The following KIAA1217 variants were observed in gnomAD, a reference collection of about 807,000 sequenced individuals.
KIAA1217 encodes the protein KIAA1217, also known as sickle tail protein homolog.
KIAA1217 carries 88 observed loss-of-function variants against 163.9 expected under a neutral mutation model. That is an observed-to-expected ratio of 0.54 (90% CI 0.45 to 0.64). The LOEUF (loss-of-function observed/expected upper bound fraction) is 0.64. Among genes scored for constraint, KIAA1217 ranks in the 30% least tolerant of loss-of-function variants. The pLI is 0.00. For missense variants in KIAA1217, 2,372 were observed against 2,475.0 expected (o/e 0.96, Z 0.88); for synonymous variants, 903 against 923.1 (o/e 0.98, Z 0.39).
intron 1 of KIAA1217, among the ~76,000 whole-genome samples, chr10:23,859,036 C>G (rs990656807): frequency 3.3e-5 from 5 of 152,206 alleles, no homozygotes; most frequent in Non-Finnish European, 7.3e-5. Flanking sequence ...CACAAAGACC[C>G]TGACTACCGT....
intron 3 of KIAA1217, among the ~76,000 whole-genome samples, chr10:24,427,829 C>T (rs925831727): frequency 4.6e-5 from 7 of 152,180 alleles, no homozygotes; most frequent in African/African-American, 1.4e-4. Context: ...GCCAATAAAA[C>T]GCCATCGGAT....
intron 2 of KIAA1217, among the ~76,000 whole-genome samples, chr10:24,374,238 T>C (rs1040217294): frequency 1.1e-4 from 16 of 152,124 alleles, no homozygotes; most frequent in Admixed American, 4.6e-4. Context: ...CGTGAGAATC[T>C]CAGATATGCA....
intron 1 of KIAA1217, among the ~76,000 whole-genome samples, chr10:23,844,236 A>G (rs556488743): frequency 6.6e-6 from 1 of 152,316 alleles, no homozygotes; most frequent in East Asian, 1.9e-4. Flanking sequence ...ATTAGAATCC[A>G]GCTTTCTACA....
intron 1 of KIAA1217, among the ~76,000 whole-genome samples, chr10:23,736,317 AT>A (rs1265493108): frequency 6.6e-6 from 1 of 151,898 alleles, no homozygotes; most frequent in Non-Finnish European, 1.5e-5. Context: ...ATTTAATTTT[AT>A]TTTTCCTATA....
chr10:24,520,085 G>C (rs762016667), intron 10 of KIAA1217, 38 bp from the exon 11 acceptor site: 4 of 1,589,568 alleles, frequency 2.5e-6, no homozygotes, highest in Non-Finnish European at 2.6e-6. Flanking sequence ...GTGAGGCCTC[G>C]TGTTCAGCTC....
intron 5 of KIAA1217, chr10:24,449,310 CTTTT>C (rs1310947358): frequency 3.6e-6 from 1 of 279,570 alleles, no homozygotes; most frequent in African/African-American, 2.3e-5. Flanking sequence ...TGGCTGCTTG[CTTTT>C]CCTTGTACTA....
intron 1 of KIAA1217, among the ~76,000 whole-genome samples, chr10:23,784,889 G>A (rs989945044): frequency 2.0e-5 from 3 of 151,648 alleles, no homozygotes; most frequent in African/African-American, 7.3e-5. Flanking sequence ...TTTCCCCTAT[G>A]TGAATCCCAC....
At chr10:23,938,043 A>C (rs12266817) in intron 1 of KIAA1217, among the ~76,000 whole-genome samples, 2 of 152,050 alleles carry the variant, frequency 1.3e-5, no homozygotes, top group Non-Finnish European at 2.9e-5. Flanking sequence ...AAGTGAATAC[A>C]AAGAGAGCAC....
intron 3 of KIAA1217, among the ~76,000 whole-genome samples, chr10:24,417,876 T>A (rs2058396994): frequency 6.6e-6 from 1 of 150,390 alleles, no homozygotes; most frequent in Admixed American, 6.6e-5. Flanking sequence ...TTTTTTTGGT[T>A]ATTAACATAA....
intron 2 of KIAA1217, among the ~76,000 whole-genome samples, chr10:24,196,805 G>C (rs896904631): frequency 5.3e-5 from 8 of 152,174 alleles, no homozygotes; most frequent in African/African-American, 1.9e-4. Context: ...ACAGGGCCGA[G>C]GTGCAGATGC....
Position 23,747,802 on chromosome 10 carries a change from T to C in KIAA1217, c.-321+52568T>C, listed in dbSNP as rs1414649822. The stretch of plus-strand genomic sequence containing the variant: ...CTTGCTGAGCTCCGGGGATTGTTTC[T>C]GTGACTGATACGTGATGAATCCATC... On this transcript the variant is annotated intron_variant, in intron 1 of 18. Transcript: ENST00000376462. 3.3e-5 allele frequency among the ~76,000 whole-genome samples: 5 copies of C among 152,320 alleles called. No individual in the cohort carries two copies. The East Asian group carries it at 9.6e-4, about 29-fold the overall frequency.
chr10:24,023,807 A>G (rs1322215966), intron 2 of KIAA1217, among the ~76,000 whole-genome samples: 3 of 151,798 alleles, frequency 2.0e-5, no homozygotes, highest in Non-Finnish European at 1.5e-5. Context: ...AATACGTATG[A>G]CAACATGGAT....
In KIAA1217 at chr10:24,032,588, A is replaced by G. The variant is rs141760228; in HGVS notation, c.-171+25214A>G. Among the ~76,000 whole-genome samples the G allele has an allele frequency of 8.9e-3, 1,360 of 152,270 alleles. 24 individuals carry two copies. The highest frequency in any genetic ancestry group is 0.031 in the African/African-American group (1,293 of 41,542). On this transcript the variant is annotated intron_variant, in intron 2 of 18. Coordinates refer to the KIAA1217 transcript ENST00000376462. ...TCCTCCTCAGAACTATGTAAGTCTC[A>G]TTAGAATCCTTTAAAGAGAGACAGG...
At chr10:23,987,342 A>G (rs1191012038) in intron 1 of KIAA1217, among the ~76,000 whole-genome samples, 1 of 140,982 alleles carries the variant, frequency 7.1e-6, no homozygotes, top group Non-Finnish European at 1.5e-5. Context: ...GCAACACCGC[A>G]CTCCAGCCTG....
At chr10:24,396,665 C>A (rs913316885) in intron 3 of KIAA1217, among the ~76,000 whole-genome samples, 13 of 152,066 alleles carry the variant, frequency 8.5e-5, no homozygotes, top group Non-Finnish European at 1.0e-4. Flanking sequence ...GAAGAGAGTT[C>A]CAGGCAGAGG....
At chr10:24,439,555 A>G (rs1411088529) in intron 5 of KIAA1217, among the ~76,000 whole-genome samples, 1 of 152,016 alleles carries the variant, frequency 6.6e-6, no homozygotes, top group Non-Finnish European at 1.5e-5. Context: ...TACTCTCTTA[A>G]ATTTTAGAGT....
intron 1 of KIAA1217, among the ~76,000 whole-genome samples, chr10:23,927,213 G>C (rs1333610767): frequency 6.6e-6 from 1 of 152,066 alleles, no homozygotes; most frequent in Non-Finnish European, 1.5e-5. Context: ...GGATCCCAAA[G>C]TGCCTGGTCT....
intron 2 of KIAA1217, among the ~76,000 whole-genome samples, chr10:24,326,186 A>G (rs141215989): frequency 6.6e-6 from 1 of 152,282 alleles, no homozygotes; most frequent in African/African-American, 2.4e-5. Context: ...CATTATTACT[A>G]CGGTATCTCT....
intron 3 of KIAA1217, among the ~76,000 whole-genome samples, chr10:24,417,674 G>T (rs1250007381): frequency 2.0e-5 from 3 of 152,122 alleles, no homozygotes; most frequent in Non-Finnish European, 4.4e-5. Context: ...ACGAATGAGA[G>T]TGAGGAAAAG....
Sources: allele counts gnomAD v4.1 joint callset (sites outside exome capture counted in the v4.1 genomes callset), GRCh38; gene constraint gnomAD v4.1.1; transcripts MANE v1.5; gene names NCBI Gene and HGNC (gene_info 2026-07-23, HGNC 2026-07-21).